STIM2: variants seen among roughly 807,000 people sequenced by gnomAD.
STIM2 encodes the protein stromal interaction molecule 2.
In STIM2, 31 loss-of-function variants were observed where a neutral mutation model predicts 85.8. The ratio of observed to expected loss-of-function variants is 0.36; its 90% CI spans 0.27 to 0.49. The LOEUF (loss-of-function observed/expected upper bound fraction) is 0.49, where lower values mean the gene tolerates loss of function less well. STIM2 is among the 20% of genes least tolerant of loss of function. The pLI is 0.98. For missense variants in STIM2, 841 were observed against 927.6 expected (o/e 0.91, Z 1.21); for synonymous variants, 356 against 331.1 (o/e 1.08, Z -0.82).
At position 26,937,974 on chromosome 4, in the gene STIM2, A is replaced by G. The variant is rs28453819; in HGVS notation, c.282+18340A>G. Among the ~76,000 whole-genome samples the G allele has an allele frequency of 9.6e-3, 1,463 of 152,124 alleles. 24 individuals carry two copies. Among genetic ancestry groups the G allele is most frequent in the African/African-American group, 0.034 (1,396 of 41,440 alleles). On this transcript the variant is annotated intron_variant, in intron 2 of 11. Coordinates refer to ENST00000467087, the MANE Select transcript of STIM2 (RefSeq NM_020860.4). ...TTCCATTCCTTTTTCTTTTTTGCAG[A>G]TAAGTGATTTTTTGTCTTTTTTTCC... is the stretch of plus-strand genomic sequence containing the variant.
intron 2 of STIM2, among the ~76,000 whole-genome samples, chr4:26,945,610 CT>C (rs1725802277): frequency 6.6e-6 from 1 of 152,116 alleles, no homozygotes; most frequent in African/African-American, 2.4e-5. Context: ...TCTCCAGCAT[CT>C]GTTATTTTTT....
chr4:27,018,579 C>G (rs1394329127), intron 11 of STIM2, among the ~76,000 whole-genome samples: 2 of 152,196 alleles, frequency 1.3e-5, no homozygotes, highest in Non-Finnish European at 2.9e-5. Flanking sequence ...AATCCCTTTA[C>G]AGCAGCATCT....
At chr4:26,994,454 A>C (rs1021455764) in intron 3 of STIM2, among the ~76,000 whole-genome samples, 1 of 152,008 alleles carries the variant, frequency 6.6e-6, no homozygotes, top group Non-Finnish European at 1.5e-5. Flanking sequence ...ATCTACTACT[A>C]TCATAGTCTA....
chr4:26,900,204 G>C (rs946795970), intron 1 of STIM2, among the ~76,000 whole-genome samples: 8 of 152,184 alleles, frequency 5.3e-5, no homozygotes, highest in African/African-American at 1.9e-4. Context: ...CTAGTGTACA[G>C]AACTGACCTT....
At chr4:26,997,429 C>T (rs1288186930) in intron 4 of STIM2, among the ~76,000 whole-genome samples, 1 of 152,132 alleles carries the variant, frequency 6.6e-6, no homozygotes, top group Admixed American at 6.5e-5. Flanking sequence ...TACTGCCAAA[C>T]ATTATACTAA....
intron 4 of STIM2, among the ~76,000 whole-genome samples, chr4:26,997,436 C>T (rs1417675754): frequency 3.3e-5 from 5 of 152,284 alleles, no homozygotes; most frequent in Non-Finnish European, 7.4e-5. Context: ...AAACATTATA[C>T]TAAGGCTGTC....
intron 11 of STIM2, chr4:27,021,019 T>G: frequency 2.6e-6 from 4 of 1,536,948 alleles, no homozygotes; most frequent in Non-Finnish European, 3.5e-6. Context: ...TTGGGCTCGG[T>G]GCGTGCAAAA....
At chr4:27,000,221 T>A (rs1340489713) in intron 5 of STIM2, among the ~76,000 whole-genome samples, 2 of 152,322 alleles carry the variant, frequency 1.3e-5, no homozygotes, top group East Asian at 3.9e-4. Flanking sequence ...AAAGGGTAAC[T>A]AGAATTGGTT....
chr4:26,887,225 T>TG (rs1420257016), intron 1 of STIM2, among the ~76,000 whole-genome samples: 1 of 140,480 alleles, frequency 7.1e-6, no homozygotes, highest in African/African-American at 2.6e-5. Context: ...GCCTTGTCCG[T>TG]GATCCCTTTA....
chr4:26,883,975 C>A (rs1224653836), intron 1 of STIM2, among the ~76,000 whole-genome samples: 2 of 152,090 alleles, frequency 1.3e-5, no homozygotes, highest in African/African-American at 4.8e-5. Context: ...AGATTGTTAC[C>A]TGATTAATAC....
chr4:26,891,558 T>TACACACACAC (rs71643700), intron 1 of STIM2, among the ~76,000 whole-genome samples: 3 of 144,540 alleles, frequency 2.1e-5, no homozygotes, highest in Admixed American at 1.4e-4. Context: ...TATACATACA[T>TACACACACAC]ACACACACAC....
rs1003390292 is a variant in STIM2 at position 27,019,349 on chromosome 4, C to T, written c.1763+1365C>T. On this transcript the variant is annotated intron_variant, in intron 11 of 11. Coordinates refer to ENST00000467087, the MANE Select transcript of STIM2 (RefSeq NM_020860.4). ...TTCATTGCAGTTGGAGAATCTGATGCGACTTTGCTTGGTTAACACTTTATG... is the reference window on the plus strand; with the variant it reads ...TTCATTGCAGTTGGAGAATCTGATGTGACTTTGCTTGGTTAACACTTTATG... 20 of 1,061,498 alleles carry T rather than the reference C, an allele frequency of 1.9e-5. No homozygotes were observed. In the Admixed American group the frequency reaches 3.0e-4, roughly 16 times the overall value. The allele number at this position is 1,061,498 out of a possible 1,614,324, so 65.8% of individuals were successfully genotyped here. A position where few individuals can be genotyped will look rare whatever the true frequency, so the allele number is the denominator to read the frequency against.
At position 26,885,859 on chromosome 4, in the gene STIM2, A is replaced by ATGTATATATATATATATATATG. The variant is rs1396343361; in HGVS notation, c.151+24491_151+24492insGTATATATATATATATATATGT. ...TATATATATATATATATATATATAT[A>ATGTATATATATATATATATATG]TATATATATATATATGTATATGTCT... On this transcript the variant is annotated intron_variant, in intron 1 of 11. Coordinates refer to ENST00000467087, the MANE Select transcript of STIM2 (RefSeq NM_020860.4). Among the ~76,000 whole-genome samples the ATGTATATATATATATATATATG allele has an allele frequency of 7.4e-3, 660 of 89,366 alleles. 22 individuals are homozygous for ATGTATATATATATATATATATG. The highest frequency in any genetic ancestry group is 9.2e-3 in the Non-Finnish European group (403 of 44,004). 58.6% of individuals were successfully genotyped at this position (89,366 alleles called of 152,430 possible).
intron 5 of STIM2, among the ~76,000 whole-genome samples, chr4:26,999,889 T>C (rs564661117): frequency 6.6e-6 from 1 of 152,164 alleles, no homozygotes; most frequent in Non-Finnish European, 1.5e-5. Flanking sequence ...TGAGAAAGTG[T>C]TATGCAATAT....
intron 2 of STIM2, among the ~76,000 whole-genome samples, chr4:26,922,531 A>G (rs1219030452): frequency 6.6e-6 from 1 of 152,158 alleles, no homozygotes; most frequent in East Asian, 1.9e-4. Context: ...ACTCAGGAAC[A>G]TCCAAATAGA....
chr4:26,982,860 T>A (rs1201038049), intron 3 of STIM2, among the ~76,000 whole-genome samples: 3 of 152,238 alleles, frequency 2.0e-5, no homozygotes, highest in Non-Finnish European at 2.9e-5. Flanking sequence ...TAATTCTAGC[T>A]TAACTCCTTT....
intron 1 of STIM2, among the ~76,000 whole-genome samples, chr4:26,908,115 G>T (rs980264594): frequency 2.6e-5 from 4 of 152,104 alleles, no homozygotes; most frequent in Admixed American, 1.3e-4. Flanking sequence ...CAACACTTAC[G>T]TCTCAAATGA....
intron 11 of STIM2, 131 bp downstream of exon 11, chr4:27,018,115 C>A: frequency 7.7e-7 from 1 of 1,304,280 alleles, no homozygotes; most frequent in Non-Finnish European, 1.1e-6. Context: ...GACTTTGCAG[C>A]CTCAGACATC....
At chr4:27,002,108 G>C (rs1218027800) in intron 5 of STIM2, 109 bp from the exon 6 acceptor site, 2 of 949,120 alleles carry the variant, frequency 2.1e-6, no homozygotes, top group Non-Finnish European at 3.1e-6. Context: ...ATGGGAAAGA[G>C]ATCTCCAATT....
Sources: gnomAD v4.1 joint callset for allele counts (sites outside exome capture counted in the v4.1 genomes callset) on GRCh38, gnomAD v4.1.1 for gene constraint, MANE v1.5 for transcripts, NCBI Gene and HGNC (gene_info 2026-07-23, HGNC 2026-07-21) for gene names.